ALKBH7: variants seen among roughly 807,000 people sequenced by gnomAD.
The protein encoded by ALKBH7 is RNA demethylase ALKBH7, mitochondrial.
Under a neutral mutation model 19.3 loss-of-function variants are expected in ALKBH7, and 21 were observed. The ratio of observed to expected loss-of-function variants is 1.09; its 90% CI spans 0.77 to 1.56. ALKBH7 has a LOEUF of 1.56. Among genes scored for constraint, ALKBH7 ranks in the 40% most tolerant of loss-of-function variants. ALKBH7 has a pLI of 0.00. For missense variants in ALKBH7, 354 were observed against 311.4 expected (o/e 1.14, Z -1.03); for synonymous variants, 147 against 139.5 (o/e 1.05, Z -0.38).
At chr19:6,373,188 T>C (rs1599201267) in intron 1 of ALKBH7, among the ~76,000 whole-genome samples, 164 bp downstream of exon 1, 1 of 78,408 alleles carries the variant, frequency 1.3e-5, no homozygotes, top group Non-Finnish European at 2.4e-5. Flanking sequence ...AGGGCCACAC[T>C]GGGGGCGGTT....
chr19:6,373,007 T>C lies in ALKBH7; in HGVS notation c.187T>C (p.Tyr63His). The C allele has an allele frequency of 1.3e-6, 2 of 1,573,074 alleles. No homozygotes were observed. Among genetic ancestry groups the C allele is most frequent in the Non-Finnish European group, 1.7e-6 (2 of 1,161,916 alleles). The change falls in exon 1 of 4, where the codon TAC (tyrosine) becomes CAC (histidine). Residue 63 changes from tyrosine to histidine, a missense_variant. Transcript: ENST00000245812. ...EPELRRRRYE[Y>H]DHWDAAIHGF... The stretch of plus-strand genomic sequence containing the variant: ...CGAGCTGCGCCGCCGCCGCTACGAA[T>C]ACGATCACTGGGACGCGGTGAGACC...
rs754979727 is a variant in ALKBH7, at chr19:6,374,842, A to T, written c.535A>T (p.Ile179Phe). Residue 179 changes from isoleucine to phenylalanine, a missense_variant, in exon 4 of 4, where the codon ATC (isoleucine) becomes TTC (phenylalanine). Ile to Phe is a conservative substitution (Grantham distance 21). Transcript: ENST00000245812. ...AGCCCGTTATGACTTCTCCCATGAGATCCTTCGGGATGAAGAGTCCTTCTT... is the reference window on the plus strand; with the variant it reads ...AGCCCGTTATGACTTCTCCCATGAGTTCCTTCGGGATGAAGAGTCCTTCTT... Reference protein sequence around the residue: ...GSARYDFSHEILRDEESFFGE... With the variant: ...GSARYDFSHEFLRDEESFFGE... 18 of 1,613,740 alleles carry T rather than the reference A, an allele frequency of 1.1e-5. No individual in the cohort carries two copies. The highest frequency in any genetic ancestry group is 2.2e-5 in the East Asian group (1 of 44,848).
chr19:6,373,820 C>T (rs1056803211), intron 1 of ALKBH7: 1 of 1,288,184 alleles, frequency 7.8e-7, no homozygotes, highest in African/African-American at 1.6e-5. Context: ...GGGGCGGGAC[C>T]TGGGGGATGA....
chr19:6,374,135 G>A (rs2091907745), intron 1 of ALKBH7, 68 bp from the exon 2 acceptor site: 2 of 1,584,310 alleles, frequency 1.3e-6, no homozygotes, highest in African/African-American at 1.4e-5. Flanking sequence ...GCCGTTTTCT[G>A]CCCCTCCTTG....
Position 6,374,218 on chromosome 19 carries a change from C to G in ALKBH7, c.220C>G (p.Arg74Gly), listed in dbSNP as rs116186903. 1 of 1,612,946 alleles carries G rather than the reference C, an allele frequency of 6.2e-7. No homozygotes were observed. The highest frequency in any genetic ancestry group is 8.5e-7 in the Non-Finnish European group (1 of 1,179,726). The change falls in exon 2 of 4, where the codon CGA becomes GGA. Residue 74 changes from arginine to glycine, a missense_variant. Arg to Gly is a moderately radical substitution (Grantham distance 125, BLOSUM62 -2). Transcript: ENST00000245812. ...DHWDAAIHGF[R>G]ETEKSRWSEA... ...CTCTGTGCAGGCCATCCACGGCTTC[C>G]GAGAGACAGAGAAGTCGCGCTGGTC...
At chr19:6,373,418 G>T in intron 1 of ALKBH7, 2 of 327,202 alleles carry the variant, frequency 6.1e-6, no homozygotes, top group South Asian at 1.3e-4. Flanking sequence ...GGGATGGGGC[G>T]TGGCCACGCT....
Position 6,375,169 on chromosome 19 carries a change from A to G in ALKBH7, c.*196A>G. The stretch of plus-strand genomic sequence containing the variant: ...CAAGGCCGGGAGAGTGGTGTCCTTT[A>G]TTGCACTCACTGCTGGTCGCCCCAG... On this transcript the variant is annotated 3_prime_UTR_variant, in exon 4 of 4. Coordinates refer to ENST00000245812, the MANE Select transcript of ALKBH7 (RefSeq NM_032306.4). 1 of 1,291,146 alleles carries G rather than the reference A, an allele frequency of 7.7e-7. No individual in the cohort carries two copies. Among genetic ancestry groups the G allele is most frequent in the East Asian group, 2.7e-5 (1 of 37,430 alleles). 80.0% of individuals were successfully genotyped at this position (1,291,146 alleles called of 1,614,324 possible).
At position 6,372,942 on chromosome 19, in the gene ALKBH7, G is replaced by A; in HGVS notation, c.122G>A (p.Ser41Asn). The change falls in exon 1 of 4, where the codon AGC becomes AAC. Residue 41 changes from serine to asparagine, a missense_variant. Physicochemically the swap from Ser to Asn is conservative, Grantham distance 46. Coordinates refer to ENST00000245812, the MANE Select transcript of ALKBH7 (RefSeq NM_032306.4). ...GCCGTGGTGCGGCCTGGCTTCCTGA[G>A]CACGGCAGAGGAGGAGACGCTGAGC... is the stretch of plus-strand genomic sequence containing the variant. ...DAAVVRPGFL[S>N]TAEEETLSRE... 1 of 1,570,638 alleles carries A rather than the reference G, an allele frequency of 6.4e-7. No homozygotes were observed. The highest frequency in any genetic ancestry group is 8.6e-7 in the Non-Finnish European group (1 of 1,160,882).
At position 6,372,863 on chromosome 19, in the gene ALKBH7, C is replaced by A; in HGVS notation, c.43C>A (p.Pro15Thr). Residue 15 changes from proline to threonine, a missense_variant, in exon 1 of 4, where the codon CCC (proline) becomes ACC (threonine). Transcript: ENST00000245812. Reference protein sequence around the residue: ...GLLALRTLPGPSWVRGSGPSV... With the variant: ...GLLALRTLPGTSWVRGSGPSV... ...GCTGGCGCTGCGGACGCTGCCAGGG[C>A]CCAGCTGGGTGCGAGGCTCGGGCCC... is the stretch of plus-strand genomic sequence containing the variant. 6.5e-7 allele frequency: 1 copy of A among 1,550,312 alleles called. No homozygotes were observed.
Position 6,372,939 on chromosome 19 carries a change from T to A in ALKBH7, c.119T>A (p.Leu40Gln), listed in dbSNP as rs1052582258. 1 of 1,570,056 alleles carries A rather than the reference T, an allele frequency of 6.4e-7. No individual in the cohort carries two copies. Among genetic ancestry groups the A allele is most frequent in the Non-Finnish European group, 8.6e-7 (1 of 1,160,586 alleles). ...QDAAVVRPGF[L>Q]STAEEETLSR... ...GCGGCCGTGGTGCGGCCTGGCTTCC[T>A]GAGCACGGCAGAGGAGGAGACGCTG... Residue 40 changes from leucine (L) to glutamine (Q), a missense_variant, in exon 1 of 4, where the codon CTG becomes CAG. Physicochemically the swap from Leu to Gln is moderately radical, Grantham distance 113 (BLOSUM62 -2). Transcript: ENST00000245812.
At chr19:6,374,712 A>G (rs2091912382) in intron 3 of ALKBH7, 99 bp from the exon 4 acceptor site, 1 of 1,598,836 alleles carries the variant, frequency 6.3e-7, no homozygotes, top group African/African-American at 1.3e-5. Flanking sequence ...TCTGTGTGGG[A>G]GGCAGCAGGG....
At chr19:6,373,619 C>T in intron 1 of ALKBH7, 1 of 1,024,528 alleles carries the variant, frequency 9.8e-7, no homozygotes, top group Non-Finnish European at 1.2e-6. Context: ...AGTCAAGCGC[C>T]GGGATGGGTT....
rs767286877 is a variant in ALKBH7 at position 6,374,272 on chromosome 19, G to A, written c.274G>A (p.Val92Met). 1.2e-5 allele frequency: 20 copies of A among 1,613,128 alleles called. No homozygotes were observed. The South Asian group carries it at 1.6e-4, about 13-fold the overall frequency. ...AGCCAGCCGGGCCATCCTGCAGCGC[G>A]TGCAGGCGGCCGCCTTTGGCCCCGG... ...SEASRAILQR[V>M]QAAAFGPGQT... is the part of the protein sequence containing the mutation. Residue 92 changes from valine (V) to methionine (M), a missense_variant, in exon 2 of 4, where the codon GTG becomes ATG. Coordinates refer to ENST00000245812, the MANE Select transcript of ALKBH7 (RefSeq NM_032306.4).
chr19:6,373,325 G>T (rs2091901481), intron 1 of ALKBH7: 1 of 406,702 alleles, frequency 2.5e-6, no homozygotes, highest in East Asian at 4.6e-5. Context: ...GATGGGGCGG[G>T]GGCACTCTGG....
In ALKBH7 at chr19:6,374,967, C is replaced by G. The variant is rs1157960398; in HGVS notation, c.660C>G (p.Ala220=). The change falls in exon 4 of 4, where the codon GCC becomes GCG. Residue 220 remains alanine, a synonymous_variant. Coordinates refer to ENST00000245812, the MANE Select transcript of ALKBH7 (RefSeq NM_032306.4). The part of the protein sequence containing the change: ...GPGESGQPPP[A]C Reference sequence around the variant, plus strand: ...GGGAGTCTGGACAGCCGCCCCCAGCCTGCTGACCCCCAGCTTTCTACAGAC... The same window carrying G: ...GGGAGTCTGGACAGCCGCCCCCAGCGTGCTGACCCCCAGCTTTCTACAGAC... The G allele has an allele frequency of 1.3e-6, 2 of 1,594,170 alleles. No homozygotes were observed. The highest frequency in any genetic ancestry group is 2.2e-5 in the East Asian group (1 of 44,448).
At chr19:6,373,549 C>T in intron 1 of ALKBH7, 1 of 821,532 alleles carries the variant, frequency 1.2e-6, no homozygotes. Flanking sequence ...GGGATTGGGG[C>T]GTGGTCAGGT....
In ALKBH7 at chr19:6,374,841, G is replaced by A. The variant is rs751477087; in HGVS notation, c.534G>A (p.Glu178=). 5 of 1,613,712 alleles carry A rather than the reference G, an allele frequency of 3.1e-6. No homozygotes were observed. The highest frequency in any genetic ancestry group is 4.2e-6 in the Non-Finnish European group (5 of 1,179,792). Reference sequence around the variant, plus strand: ...CAGCCCGTTATGACTTCTCCCATGAGATCCTTCGGGATGAAGAGTCCTTCT... The same window carrying A: ...CAGCCCGTTATGACTTCTCCCATGAAATCCTTCGGGATGAAGAGTCCTTCT... ...RGSARYDFSH[E]ILRDEESFFG... is the part of the protein sequence containing the mutation. The change falls in exon 4 of 4, where the codon GAG becomes GAA. Residue 178 remains glutamate, a synonymous_variant. Transcript: ENST00000245812.
rs1449862145 is a variant in ALKBH7 at position 6,374,313 on chromosome 19, C to T, written c.315C>T (p.Ser105=). ...TTGGCCCCGGCCAGACCCTGCTCTC[C>T]TCCGTGCACGTGCTGGACCTGGAAG... ...AAFGPGQTLL[S]SVHVLDLEAR... is the part of the protein sequence containing the mutation. The change falls in exon 2 of 4, where the codon TCC becomes TCT. Residue 105 remains serine, a synonymous_variant. Transcript: ENST00000245812. 4 of 1,612,876 alleles carry T rather than the reference C, an allele frequency of 2.5e-6. No homozygotes were observed. The highest frequency in any genetic ancestry group is 1.6e-4 in the Middle Eastern group (1 of 6,072).
Position 6,375,235 on chromosome 19 carries a change from TA to T in ALKBH7, c.*265del. On this transcript the variant is annotated 3_prime_UTR_variant, in exon 4 of 4. Transcript: ENST00000245812. ...GTTGTCTCTGCATCCAGGTCTCCAA[TA>T]AATAAGTCAGCCGAGCTCCCCCAGC... 7.2e-7 allele frequency: 1 copy of T among 1,386,376 alleles called. No individual in the cohort carries two copies. Among genetic ancestry groups the T allele is most frequent in the Non-Finnish European group, 9.3e-7 (1 of 1,076,084 alleles). The allele number at this position is 1,386,376 out of a possible 1,614,324, so 85.9% of individuals were successfully genotyped here.
Sources: gnomAD v4.1 joint callset for allele counts (sites outside exome capture counted in the v4.1 genomes callset) on GRCh38, gnomAD v4.1.1 for gene constraint, MANE v1.5 for transcripts, NCBI Gene and HGNC (gene_info 2026-07-23, HGNC 2026-07-21) for gene names.